RFX8: variants seen among roughly 807,000 people sequenced by gnomAD.
RFX8 encodes DNA-binding protein RFX8.
Under a neutral mutation model 54.6 loss-of-function variants are expected in RFX8, and 46 were observed. That is an observed-to-expected ratio of 0.84 (90% confidence interval 0.67 to 1.08). The LOEUF (loss-of-function observed/expected upper bound fraction) is 1.08, where lower values mean the gene tolerates loss of function less well. RFX8 is among the 50% of genes least tolerant of loss of function. RFX8 has a pLI of 0.00. For missense variants in RFX8, 536 were observed against 562.3 expected, an observed-to-expected ratio of 0.95 and a Z score of 0.47; for synonymous variants, 192 against 209.5, an observed-to-expected ratio of 0.92 and a Z score of 0.72.
chr2:101,415,029 T>C, intron 6 of RFX8, 117 bp from the exon 7 acceptor site: 1 of 693,368 alleles, frequency 1.4e-6, no homozygotes, highest in Non-Finnish European at 2.5e-6. Context: ...AACTGCAACT[T>C]CCCCCACCCC....
At chr2:101,410,544 T>A in intron 9 of RFX8, 75 bp downstream of exon 9, 2 of 759,830 alleles carry the variant, frequency 2.6e-6, no homozygotes, top group South Asian at 3.5e-5. Flanking sequence ...CTCTTTCCCA[T>A]CCCTTAGGCA....
rs537817228 is a variant in RFX8, at chr2:101,455,022, T to TTTTTC, written c.72+11754_72+11755insGAAAA. On this transcript the variant is annotated intron_variant, in intron 2 of 11. Coordinates refer to ENST00000428343, the MANE Select transcript of RFX8 (RefSeq NM_001145664.2). ...CCTAGGTTTTCTTTTTCTTTTTTCTTTTTTTTTTTGAGACAGAGTTTCACT... is the reference window on the plus strand; with the variant it reads ...CCTAGGTTTTCTTTTTCTTTTTTCTTTTTTCTTTTTTTTTGAGACAGAGTTTCACT... 5.8e-3 allele frequency among the ~76,000 whole-genome samples: 873 copies of TTTTTC among 149,934 alleles called. 9 individuals are homozygous for TTTTTC. Among genetic ancestry groups the TTTTTC allele is most frequent in the African/African-American group, 0.021 (846 of 41,048 alleles).
intron 2 of RFX8, among the ~76,000 whole-genome samples, chr2:101,454,807 A>G (rs1688878782): frequency 6.6e-6 from 1 of 152,226 alleles, no homozygotes; most frequent in African/African-American, 2.4e-5. Context: ...GCCCTTTGTC[A>G]GATGGGTAGA....
chr2:101,453,827 T>TCATA (rs945494600), intron 2 of RFX8, among the ~76,000 whole-genome samples: 50 of 152,164 alleles, frequency 3.3e-4, no homozygotes, highest in African/African-American at 1.2e-3. Flanking sequence ...CAGGTTGGCA[T>TCATA]CATAGTCCAA....
chr2:101,412,594 CT>C (rs1462318214), intron 8 of RFX8, among the ~76,000 whole-genome samples: 1 of 152,178 alleles, frequency 6.6e-6, no homozygotes, highest in Non-Finnish European at 1.5e-5. Context: ...AGAAACTAAG[CT>C]TTTCCCCCAC....
At chr2:101,421,389 A>G (rs1276176372) in intron 4 of RFX8, 11 of 1,028,406 alleles carry the variant, frequency 1.1e-5, no homozygotes, top group Non-Finnish European at 1.3e-5. Context: ...GCTCTTCGGC[A>G]CCATTGAAAA....
chr2:101,456,711 G>C (rs1439497345), intron 2 of RFX8, among the ~76,000 whole-genome samples: 1 of 152,104 alleles, frequency 6.6e-6, no homozygotes, highest in East Asian at 1.9e-4. Context: ...TTTGGTATCA[G>C]GATGATGATG....
intron 4 of RFX8, chr2:101,421,328 CTCAGCTGCGAAG>C: frequency 1.0e-6 from 1 of 991,008 alleles, no homozygotes; most frequent in Non-Finnish European, 1.2e-6. Flanking sequence ...TGCCAGATCA[CTCAGCTGCGAAG>C]TCCTGCTCCA....
intron 2 of RFX8, among the ~76,000 whole-genome samples, chr2:101,446,057 T>TC (rs72546821): frequency 1.6e-5 from 1 of 62,194 alleles, no homozygotes; most frequent in African/African-American, 4.2e-5. Context: ...AAATACACTT[T>TC]TGTATGTTCT....
intron 2 of RFX8, among the ~76,000 whole-genome samples, chr2:101,424,250 A>C (rs573748245): frequency 6.6e-6 from 1 of 152,346 alleles, no homozygotes; most frequent in South Asian, 2.1e-4. Context: ...TTATGCAGCC[A>C]ACAGACACAT....
At chr2:101,415,654 A>G (rs1047597247) in intron 6 of RFX8, among the ~76,000 whole-genome samples, 1 of 152,152 alleles carries the variant, frequency 6.6e-6, no homozygotes, top group African/African-American at 2.4e-5. Context: ...ATGGGAGAAC[A>G]CTCGTGCAGT....
chr2:101,459,571 T>C (rs1451127313), intron 2 of RFX8, among the ~76,000 whole-genome samples: 1 of 152,198 alleles, frequency 6.6e-6, no homozygotes, highest in Non-Finnish European at 1.5e-5. Context: ...TATCACAGAA[T>C]AGCAAATATT....
At chr2:101,470,998 C>A (rs953471453) in intron 1 of RFX8, among the ~76,000 whole-genome samples, 1 of 148,588 alleles carries the variant, frequency 6.7e-6, no homozygotes, top group Admixed American at 6.7e-5. Flanking sequence ...GGATTACAGG[C>A]GTGAGCCACC....
intron 2 of RFX8, among the ~76,000 whole-genome samples, chr2:101,429,430 T>C (rs1256478419): frequency 6.6e-6 from 1 of 152,166 alleles, no homozygotes; most frequent in Non-Finnish European, 1.5e-5. Context: ...GCAAAGAAAC[T>C]GGTAATTAAT....
chr2:101,440,650 G>T (rs1688048664), intron 2 of RFX8, among the ~76,000 whole-genome samples: 1 of 152,106 alleles, frequency 6.6e-6, no homozygotes, highest in Admixed American at 6.6e-5. Flanking sequence ...ATGATCCTGG[G>T]TATCTTTACT....
chr2:101,407,585 C>T (rs1421567179), intron 9 of RFX8, among the ~76,000 whole-genome samples: 5 of 152,042 alleles, frequency 3.3e-5, no homozygotes, highest in South Asian at 2.1e-4. Context: ...CCAGCTACTC[C>T]GGAGGCTGAG....
chr2:101,421,814 C>A, intron 3 of RFX8, 37 bp from the exon 4 acceptor site: 1 of 1,461,150 alleles, frequency 6.8e-7, no homozygotes, highest in South Asian at 1.2e-5. Flanking sequence ...AGCATGTGGG[C>A]CTTTTCAATA....
At chr2:101,444,128 G>C (rs1688247884) in intron 2 of RFX8, among the ~76,000 whole-genome samples, 1 of 152,172 alleles carries the variant, frequency 6.6e-6, no homozygotes, top group Non-Finnish European at 1.5e-5. Context: ...AGAGCCTGAT[G>C]CCTCCCTCCT....
intron 2 of RFX8, among the ~76,000 whole-genome samples, chr2:101,465,474 C>T (rs148507205): frequency 0.02 from 3,105 of 152,242 alleles, 109 homozygotes; most frequent in African/African-American, 0.071. Context: ...CGTGCCACTG[C>T]ACTTCAGCCT....
Sources: allele counts gnomAD v4.1 joint callset (sites outside exome capture counted in the v4.1 genomes callset), GRCh38; gene constraint gnomAD v4.1.1; transcripts MANE v1.5; gene names NCBI Gene and HGNC (gene_info 2026-07-23, HGNC 2026-07-21).